SLC14A2: variants seen among roughly 807,000 people sequenced by gnomAD.
The protein encoded by SLC14A2 is solute carrier family 14 member 2.
SLC14A2 carries 91 observed loss-of-function variants against 104.6 expected under a neutral mutation model. That is an observed-to-expected ratio of 0.87 (90% CI 0.73 to 1.04). The LOEUF (loss-of-function observed/expected upper bound fraction) is 1.04. Ranked by LOEUF, SLC14A2 falls within the 50% of genes least tolerant of loss-of-function variation. The pLI, the probability that SLC14A2 is intolerant of heterozygous loss-of-function variation, is 0.00. For synonymous variants in SLC14A2, 476 were observed against 466.4 expected, an observed-to-expected ratio of 1.02 and a Z score of -0.27; for missense variants, 1,189 against 1,156.0, an observed-to-expected ratio of 1.03 and a Z score of -0.41.
intron 1 of SLC14A2, among the ~76,000 whole-genome samples, chr18:45,476,619 G>T (rs1472396652): frequency 6.6e-6 from 1 of 152,094 alleles, no homozygotes; most frequent in African/African-American, 2.4e-5. Context: ...AGGTACACCA[G>T]TCAAACGTAG....
rs1165070845 is a variant in SLC14A2, at chr18:45,250,751, C to CTGACTTT, written c.-125+37561_-125+37562insGACTTTT. Among the ~76,000 whole-genome samples the CTGACTTT allele has an allele frequency of 2.5e-4, 28 of 113,872 alleles. 1 individual carries two copies. The highest frequency in any genetic ancestry group is 4.7e-4 in the African/African-American group (12 of 25,532). 74.7% of individuals were successfully genotyped at this position (113,872 alleles called of 152,430 possible). A position where few individuals can be genotyped will look rare whatever the true frequency, so the allele number is the denominator to read the frequency against. On this transcript the variant is annotated intron_variant, in intron 1 of 20. Coordinates refer to the SLC14A2 transcript ENST00000586448. ...AACTGAATCCTCTGGCTAGTGGCTT[C>CTGACTTT]TTCCTTTTTTTTTTTTTTTTTTTTT...
chr18:45,318,911 G>A (rs1303136555), intron 1 of SLC14A2, among the ~76,000 whole-genome samples: 1 of 152,150 alleles, frequency 6.6e-6, no homozygotes, highest in African/African-American at 2.4e-5. Flanking sequence ...ACCAGATTCG[G>A]AGCCACGCCT....
At chr18:45,646,499 A>C (rs1402756400) in intron 10 of SLC14A2, 1 of 152,236 alleles carries the variant, frequency 6.6e-6, no homozygotes, top group Non-Finnish European at 1.5e-5. Flanking sequence ...TCCTGTCTTC[A>C]TTAAGCTCTT....
rs79391124 is a variant in SLC14A2, at chr18:45,556,007, T to C, written c.-34-68624T>C. ...CTGGGTGGCTTATAAACAACAGACA[T>C]TTATTTCTCACAATTCTGAAAGCTG... On this transcript the variant is annotated intron_variant, in intron 2 of 20. Transcript: ENST00000586448. 3.6e-3 allele frequency among the ~76,000 whole-genome samples: 555 copies of C among 152,234 alleles called. 4 individuals are homozygous for C. The highest frequency in any genetic ancestry group is 5.0e-3 in the Non-Finnish European group (342 of 68,014).
chr18:45,595,224 T>C (rs188214948), intron 2 of SLC14A2, among the ~76,000 whole-genome samples: 85 of 146,846 alleles, frequency 5.8e-4, no homozygotes, highest in Non-Finnish European at 1.1e-3. Context: ...AGCTTAATGT[T>C]ACGCAAAAAG....
chr18:45,409,561 A>G (rs781083951), intron 1 of SLC14A2, among the ~76,000 whole-genome samples: 3 of 152,286 alleles, frequency 2.0e-5, no homozygotes, highest in Non-Finnish European at 4.4e-5. Context: ...AAAACAGAAA[A>G]CCGTAAAGTT....
rs556398438 is a variant in SLC14A2 at position 45,423,200 on chromosome 18, A to G, written c.-124-60033A>G. ...GCTCAGGCTCAAGTTGTATTCCAGC[A>G]CCGTCCTTACAGGGACCCGAACTTC... On this transcript the variant is annotated intron_variant, in intron 1 of 20. Coordinates refer to the SLC14A2 transcript ENST00000586448. Among the ~76,000 whole-genome samples the G allele has an allele frequency of 7.2e-4, 110 of 152,298 alleles. 1 individual carries two copies. The highest frequency in any genetic ancestry group is 2.0e-3 in the Admixed American group (31 of 15,288).
At chr18:45,247,207 A>G (rs1036250430) in intron 1 of SLC14A2, among the ~76,000 whole-genome samples, 7 of 152,206 alleles carry the variant, frequency 4.6e-5, no homozygotes, top group Admixed American at 2.0e-4. Flanking sequence ...CAGAATTACT[A>G]CTTTGTTTTA....
At chr18:45,556,247 C>G (rs1371861857) in intron 2 of SLC14A2, among the ~76,000 whole-genome samples, 1 of 152,164 alleles carries the variant, frequency 6.6e-6, no homozygotes, top group East Asian at 1.9e-4. Flanking sequence ...GTTGGGATTT[C>G]AACATATAAA....
At chr18:45,569,090 G>T (rs946430365) in intron 2 of SLC14A2, among the ~76,000 whole-genome samples, 2 of 152,160 alleles carry the variant, frequency 1.3e-5, no homozygotes, top group Non-Finnish European at 2.9e-5. Flanking sequence ...AGCCTAAGTT[G>T]CACTTCCAAC....
chr18:45,388,817 A>G (rs979212283), intron 1 of SLC14A2, among the ~76,000 whole-genome samples: 2 of 152,184 alleles, frequency 1.3e-5, no homozygotes, highest in Non-Finnish European at 2.9e-5. Flanking sequence ...ACAGGTGCAC[A>G]CAAATACGCA....
At chr18:45,428,127 A>T (rs1204200347) in intron 1 of SLC14A2, among the ~76,000 whole-genome samples, 1 of 152,218 alleles carries the variant, frequency 6.6e-6, no homozygotes, top group Admixed American at 6.5e-5. Context: ...GGGAGAGATT[A>T]TATGTAAATC....
At chr18:45,384,558 AGGAAG>A (rs2144392129) in intron 1 of SLC14A2, among the ~76,000 whole-genome samples, 1 of 152,248 alleles carries the variant, frequency 6.6e-6, no homozygotes, top group African/African-American at 2.4e-5. Flanking sequence ...ATCTGAGTAA[AGGAAG>A]GGATTTATGA....
At chr18:45,673,983 T>C (rs889730391) in intron 18 of SLC14A2, among the ~76,000 whole-genome samples, 166 bp downstream of exon 18, 1 of 152,210 alleles carries the variant, frequency 6.6e-6, no homozygotes, top group East Asian at 1.9e-4. Flanking sequence ...GTTTGATTGT[T>C]GTTCCTGGGC....
chr18:45,678,973 AG>A lies in SLC14A2; in HGVS notation c.2513-1del. ...TTCTTTCTTTTTTTTTTTTTTTTCT[AG>A]CACTGTTTGCTGCCTACCTGGGTGC... On this transcript the variant is annotated splice_acceptor_variant, in intron 18 of 19. Coordinates refer to ENST00000255226, the MANE Select transcript of SLC14A2 (RefSeq NM_007163.4). LOFTEE classifies it high-confidence loss of function. 1 of 1,339,128 alleles carries A rather than the reference AG, an allele frequency of 7.5e-7. No individual in the cohort carries two copies. Among genetic ancestry groups the A allele is most frequent in the Non-Finnish European group, 9.8e-7 (1 of 1,021,556 alleles). 83.0% of individuals were successfully genotyped at this position (1,339,128 alleles called of 1,614,324 possible).
In SLC14A2 at chr18:45,247,706, T is replaced by G. The variant is rs1342768820; in HGVS notation, c.-125+34515T>G. Among the ~76,000 whole-genome samples, 4 of 151,934 alleles carry G rather than the reference T, an allele frequency of 2.6e-5. No individual in the cohort carries two copies. In the East Asian group the frequency reaches 7.7e-4, roughly 29 times the overall value. ...GTTATTCTGTTAATGTAGGCCTTTT[T>G]TTTTTTTTTTTCATATTAACACAGT... On this transcript the variant is annotated intron_variant, in intron 1 of 20. Transcript: ENST00000586448.
chr18:45,320,726 GA>G (rs1395968828), intron 1 of SLC14A2, among the ~76,000 whole-genome samples: 1 of 152,182 alleles, frequency 6.6e-6, no homozygotes, highest in Non-Finnish European at 1.5e-5. Context: ...CATCAGATAA[GA>G]AAAGACAGCT....
chr18:45,424,577 G>T (rs2086397322), intron 1 of SLC14A2, among the ~76,000 whole-genome samples: 1 of 152,234 alleles, frequency 6.6e-6, no homozygotes, highest in East Asian at 1.9e-4. Context: ...GGCATGAGTA[G>T]GTGGACACCC....
At chr18:45,576,038 T>C (rs2044414147) in intron 2 of SLC14A2, among the ~76,000 whole-genome samples, 1 of 152,178 alleles carries the variant, frequency 6.6e-6, no homozygotes, top group South Asian at 2.1e-4. Flanking sequence ...TAAATAGTGA[T>C]TTGGCAGTCA....
Sources: allele counts gnomAD v4.1 joint callset (sites outside exome capture counted in the v4.1 genomes callset), GRCh38; gene constraint gnomAD v4.1.1; transcripts MANE v1.5; gene names NCBI Gene and HGNC (gene_info 2026-07-23, HGNC 2026-07-21).